Variants in MTMR7 observed in about 807,000 individuals in gnomAD.
The protein encoded by MTMR7 is phosphatidylinositol-3-phosphate phosphatase MTMR7.
MTMR7 carries 76 observed loss-of-function variants against 81.2 expected under a neutral mutation model. The observed-to-expected ratio is 0.94, with a 90% CI of 0.78 to 1.13. The LOEUF (loss-of-function observed/expected upper bound fraction) is 1.13. Among genes scored for constraint, MTMR7 ranks in the 50% most tolerant of loss-of-function variants. The pLI is 0.00. For missense variants in MTMR7, 1,044 were observed against 820.0 expected, an observed-to-expected ratio of 1.27 and a Z score of -3.34; for synonymous variants, 372 against 289.8, an observed-to-expected ratio of 1.28 and a Z score of -2.88.
At chr8:17,306,655 A>C (rs1817473883) in intron 10 of MTMR7, among the ~76,000 whole-genome samples, 1 of 152,208 alleles carries the variant, frequency 6.6e-6, no homozygotes, top group African/African-American at 2.4e-5. Context: ...CATCAAAGAC[A>C]AAATAACAAT....
At chr8:17,339,934 G>C (rs1481218425) in intron 6 of MTMR7, among the ~76,000 whole-genome samples, 1 of 152,146 alleles carries the variant, frequency 6.6e-6, no homozygotes. Context: ...AAACAGTGTG[G>C]TATACATTCT....
intron 1 of MTMR7, among the ~76,000 whole-genome samples, chr8:17,403,956 C>T (rs1434624506): frequency 6.6e-5 from 10 of 152,020 alleles, no homozygotes; most frequent in African/African-American, 1.7e-4. Context: ...TTTGTCAGTT[C>T]CAATCTTTTT....
chr8:17,331,298 A>G lies in MTMR7; in HGVS notation c.733-16T>C, dbSNP rs1252187431. ...TTGCATTAAGCTGCAGTGGTCAGCA[A>G]AACAGAACAGTCATCAATTACATTG... is the stretch of plus-strand genomic sequence containing the variant. On this transcript the variant is annotated splice_polypyrimidine_tract_variant and intron_variant, in intron 6 of 13. Coordinates refer to ENST00000180173, the MANE Select transcript of MTMR7 (RefSeq NM_004686.5). The G allele has an allele frequency of 6.3e-7, 1 of 1,574,962 alleles. No homozygotes were observed. The highest frequency in any genetic ancestry group is 8.6e-7 in the Non-Finnish European group (1 of 1,164,664).
intron 1 of MTMR7, among the ~76,000 whole-genome samples, chr8:17,391,432 G>T (rs1468693298): frequency 6.6e-6 from 1 of 152,096 alleles, no homozygotes; most frequent in East Asian, 1.9e-4. Flanking sequence ...TTACTACACG[G>T]TAAGTTCCAT....
At chr8:17,346,004 G>A (rs1428047736) in intron 5 of MTMR7, 1 of 152,164 alleles carries the variant, frequency 6.6e-6, no homozygotes, top group Non-Finnish European at 1.5e-5. Context: ...CAAATTTATG[G>A]AATGTGTACC....
intron 1 of MTMR7, 122 bp from the exon 2 acceptor site, chr8:17,373,362 A>G (rs746282619): frequency 4.1e-6 from 5 of 1,206,426 alleles, no homozygotes; most frequent in Non-Finnish European, 5.6e-6. Context: ...TTCCCCCAAT[A>G]ATAAAAACCA....
At chr8:17,340,904 A>T (rs567561441) in intron 6 of MTMR7, among the ~76,000 whole-genome samples, 3 of 152,276 alleles carry the variant, frequency 2.0e-5, no homozygotes, top group African/African-American at 2.4e-5. Flanking sequence ...AATTTACCTT[A>T]TATTTTATAG....
At position 17,370,959 on chromosome 8, in the gene MTMR7, C is replaced by T. The variant is rs1820399395; in HGVS notation, c.310+78G>A. ...TCCCTGAACCCCTATCATTCCTAAG[C>T]ACCATACAAATTCTTGAATCTGATT... On this transcript the variant is annotated intron_variant, in intron 3 of 13. Coordinates refer to ENST00000180173, the MANE Select transcript of MTMR7 (RefSeq NM_004686.5). 27 of 1,438,476 alleles carry T rather than the reference C, an allele frequency of 1.9e-5. No individual in the cohort carries two copies. In the South Asian group the frequency reaches 3.2e-4, roughly 17 times the overall value. 89.1% of individuals were successfully genotyped at this position (1,438,476 alleles called of 1,614,324 possible). A position where few individuals can be genotyped will look rare whatever the true frequency, so the allele number is the denominator to read the frequency against.
chr8:17,396,183 A>G (rs554521241), intron 1 of MTMR7, among the ~76,000 whole-genome samples: 1 of 152,276 alleles, frequency 6.6e-6, no homozygotes, highest in South Asian at 2.1e-4. Flanking sequence ...GACCAAATAG[A>G]AGCCTCCACA....
At chr8:17,386,423 G>T (rs913709308) in intron 1 of MTMR7, among the ~76,000 whole-genome samples, 1 of 152,204 alleles carries the variant, frequency 6.6e-6, no homozygotes, top group Non-Finnish European at 1.5e-5. Flanking sequence ...GCCCACAGAT[G>T]ATCTGATTCC....
chr8:17,358,860 T>C (rs1203532837), intron 4 of MTMR7, among the ~76,000 whole-genome samples: 3 of 151,588 alleles, frequency 2.0e-5, no homozygotes, highest in Admixed American at 1.3e-4. Context: ...TCAAGAATTA[T>C]TCATATGGCA....
At chr8:17,392,268 T>C (rs1477269817) in intron 1 of MTMR7, among the ~76,000 whole-genome samples, 1 of 152,156 alleles carries the variant, frequency 6.6e-6, no homozygotes, top group Non-Finnish European at 1.5e-5. Flanking sequence ...ACAGAAGTGA[T>C]AACCAAACCT....
chr8:17,325,738 C>G (rs1818649037), intron 7 of MTMR7, among the ~76,000 whole-genome samples: 1 of 151,798 alleles, frequency 6.6e-6, no homozygotes, highest in South Asian at 2.1e-4. Context: ...GCGCTGATTG[C>G]ACACAGACCC....
intron 7 of MTMR7, among the ~76,000 whole-genome samples, chr8:17,315,806 G>A (rs892339628): frequency 2.0e-4 from 30 of 152,146 alleles, no homozygotes; most frequent in Non-Finnish European, 2.6e-4. Context: ...GAGTCAAGGA[G>A]TTCAAGAACA....
rs745946964 is a variant in MTMR7, at chr8:17,305,728, TTAAACACCA to T, written c.1352+20_1352+28del. 1.1e-5 allele frequency: 17 copies of T among 1,561,434 alleles called. No homozygotes were observed. The African/African-American group carries it at 2.2e-4, about 20-fold the overall frequency. On this transcript the variant is annotated intron_variant, in intron 11 of 13. Transcript: ENST00000180173. ...AGTCATCAAAATCTTTAAATAAAAG[TTAAACACCA>T]AAAACACCAAAACACTTACTTGAGT... is the stretch of plus-strand genomic sequence containing the variant.
chr8:17,349,777 C>A (rs150938690), intron 4 of MTMR7, among the ~76,000 whole-genome samples: 1 of 152,194 alleles, frequency 6.6e-6, no homozygotes, highest in African/African-American at 2.4e-5. Flanking sequence ...TCGATGTACT[C>A]TTTCTACGCA....
chr8:17,371,993 T>C (rs1001187326), intron 2 of MTMR7, among the ~76,000 whole-genome samples: 11 of 151,960 alleles, frequency 7.2e-5, no homozygotes, highest in Non-Finnish European at 1.2e-4. Context: ...TTTGGAAACT[T>C]TGTGCCCTTC....
intron 5 of MTMR7, 71 bp from the exon 6 acceptor site, chr8:17,341,568 C>T (rs1369254011): frequency 1.3e-6 from 2 of 1,545,402 alleles, no homozygotes; most frequent in African/African-American, 2.7e-5. Context: ...CTACGTGTGT[C>T]TCCAGAACAA....
intron 1 of MTMR7, among the ~76,000 whole-genome samples, chr8:17,388,362 T>C (rs1365710880): frequency 4.6e-5 from 7 of 152,210 alleles, no homozygotes; most frequent in African/African-American, 1.4e-4. Flanking sequence ...GGACAGATGC[T>C]GGTTCTTTGT....
Sources: allele counts gnomAD v4.1 joint callset (sites outside exome capture counted in the v4.1 genomes callset), GRCh38; gene constraint gnomAD v4.1.1; transcripts MANE v1.5; gene names NCBI Gene and HGNC (gene_info 2026-07-23, HGNC 2026-07-21).